Variants in CPXM2 observed in about 807,000 individuals in gnomAD.
CPXM2 encodes carboxypeptidase X, M14 family member 2.
In CPXM2, 66 loss-of-function variants were observed where a neutral mutation model predicts 86.1. The observed-to-expected ratio is 0.77, with a 90% confidence interval of 0.63 to 0.94. The LOEUF is 0.94. Among genes scored for constraint, CPXM2 ranks in the 40% least tolerant of loss-of-function variants. The pLI, the probability that CPXM2 is intolerant of heterozygous loss-of-function variation, is 0.00. For synonymous variants in CPXM2, 388 were observed against 400.2 expected (o/e 0.97, Z 0.36); for missense variants, 948 against 1,026.3 (o/e 0.92, Z 1.04).
intron 6 of CPXM2, among the ~76,000 whole-genome samples, chr10:123,789,553 T>A (rs1457874276): frequency 6.6e-6 from 1 of 152,240 alleles, no homozygotes; most frequent in Non-Finnish European, 1.5e-5. Context: ...AAGAGAAATC[T>A]CACATTTATT....
intron 13 of CPXM2, chr10:123,750,086 G>A (rs568632252): frequency 1.2e-4 from 118 of 982,780 alleles, no homozygotes; most frequent in African/African-American, 1.8e-4. Flanking sequence ...CCAAAGTGCC[G>A]AGGATTACAG....
intron 4 of CPXM2, among the ~76,000 whole-genome samples, chr10:123,839,062 C>T (rs1848332289): frequency 1.3e-5 from 2 of 152,204 alleles, no homozygotes; most frequent in Admixed American, 1.3e-4. Flanking sequence ...AGCTTGAAAA[C>T]CACAGTTACA....
chr10:123,766,033 T>G (rs1463627658), intron 10 of CPXM2, among the ~76,000 whole-genome samples: 1 of 152,258 alleles, frequency 6.6e-6, no homozygotes, highest in South Asian at 2.1e-4. Flanking sequence ...AGGTGAGAGT[T>G]AAGCAGAAGT....
intron 4 of CPXM2, among the ~76,000 whole-genome samples, chr10:123,829,912 A>G (rs182974358): frequency 9.1e-4 from 138 of 151,692 alleles, no homozygotes; most frequent in African/African-American, 3.2e-3. Context: ...AAAAATATGG[A>G]TCACATAATA....
At chr10:123,787,970 T>C (rs775624828) in intron 6 of CPXM2, among the ~76,000 whole-genome samples, 1 of 152,076 alleles carries the variant, frequency 6.6e-6, no homozygotes, top group Non-Finnish European at 1.5e-5. Flanking sequence ...CCCCACTTCC[T>C]ACTTAGCCCT....
intron 4 of CPXM2, among the ~76,000 whole-genome samples, chr10:123,830,124 T>C (rs986902318): frequency 6.6e-6 from 1 of 152,208 alleles, no homozygotes; most frequent in African/African-American, 2.4e-5. Flanking sequence ...TTCTAAAGTA[T>C]GACATATCTT....
At chr10:123,755,961 G>A (rs568587000) in intron 12 of CPXM2, among the ~76,000 whole-genome samples, 1 of 152,290 alleles carries the variant, frequency 6.6e-6, no homozygotes, top group South Asian at 2.1e-4. Flanking sequence ...TTGAGTGAGA[G>A]GTTCCCCAAA....
At chr10:123,844,363 G>A (rs1490510844) in intron 3 of CPXM2, among the ~76,000 whole-genome samples, 4 of 151,932 alleles carry the variant, frequency 2.6e-5, no homozygotes, top group South Asian at 2.1e-4. Context: ...CGTCACTAAC[G>A]TAGAATGAAT....
At chr10:123,807,111 G>C (rs1190452353) in intron 4 of CPXM2, among the ~76,000 whole-genome samples, 1 of 152,138 alleles carries the variant, frequency 6.6e-6, no homozygotes. Flanking sequence ...CGTAGTAACT[G>C]TTCCATAAAT....
At chr10:123,883,932 G>A (rs1024361156) in intron 1 of CPXM2, among the ~76,000 whole-genome samples, 1 of 152,138 alleles carries the variant, frequency 6.6e-6, no homozygotes, top group African/African-American at 2.4e-5. Flanking sequence ...TCTCCATCTG[G>A]GCCGCGTGAC....
chr10:123,916,254 C>A (rs916744312), intron 2 of CPXM2, among the ~76,000 whole-genome samples: 4 of 152,164 alleles, frequency 2.6e-5, no homozygotes, highest in Admixed American at 2.6e-4. Flanking sequence ...GGATCAGAGG[C>A]AGCTGGATGA....
chr10:123,902,656 G>A lies in CPXM2; in HGVS notation n.175-22347C>T, dbSNP rs552573829. ...GGAAGGGGCACACAAGCACCCTTGGGCCTCTTTATAAGGGCACTGATCCCA... is the reference window on the plus strand; with the variant it reads ...GGAAGGGGCACACAAGCACCCTTGGACCTCTTTATAAGGGCACTGATCCCA... On this transcript the variant is annotated intron_variant and non_coding_transcript_variant, in intron 2 of 19. Coordinates refer to the CPXM2 transcript ENST00000368854. Among the ~76,000 whole-genome samples, 20 of 152,246 alleles carry A rather than the reference G, an allele frequency of 1.3e-4. No individual in the cohort carries two copies. In the South Asian group the frequency reaches 3.7e-3, roughly 28 times the overall value.
intron 13 of CPXM2, chr10:123,751,624 T>G (rs1345479197): frequency 1.0e-6 from 1 of 985,260 alleles, no homozygotes; most frequent in African/African-American, 1.7e-5. Context: ...CTGATATGCA[T>G]CTAACTCAAA....
chr10:123,773,762 C>T (rs1208336625), intron 7 of CPXM2, among the ~76,000 whole-genome samples: 2 of 152,134 alleles, frequency 1.3e-5, no homozygotes, highest in African/African-American at 2.4e-5. Context: ...CAGGCTTCAG[C>T]AAGGAAGTGA....
intron 2 of CPXM2, among the ~76,000 whole-genome samples, chr10:123,869,629 A>G (rs1485263601): frequency 6.6e-6 from 1 of 152,140 alleles, no homozygotes; most frequent in African/African-American, 2.4e-5. Flanking sequence ...CCCATGCTCT[A>G]TTCCTCGGGA....
intron 1 of CPXM2, among the ~76,000 whole-genome samples, chr10:123,883,297 G>T (rs927354026): frequency 6.6e-6 from 1 of 152,234 alleles, no homozygotes; most frequent in Admixed American, 6.5e-5. Context: ...CAGCACCTTC[G>T]CTGGGGAGGA....
At chr10:123,926,649 G>A (rs1416541018) in intron 2 of CPXM2, among the ~76,000 whole-genome samples, 1 of 152,204 alleles carries the variant, frequency 6.6e-6, no homozygotes, top group Non-Finnish European at 1.5e-5. Flanking sequence ...CAGAAAATCT[G>A]TCTGCCTTTT....
Position 123,768,652 on chromosome 10 carries a change from C to A in CPXM2, c.1173G>T (p.Leu391=), listed in dbSNP as rs1461872512. Residue 391 remains leucine (L), a synonymous_variant, in exon 9 of 14, where the codon CTG becomes CTT. Transcript: ENST00000241305. ...ACTCCTGACACACGAACTGCACCAGCAGCAGCAGCAGCTCCCGGCCCAGCA... is the reference window on the plus strand; with the variant it reads ...ACTCCTGACACACGAACTGCACCAGAAGCAGCAGCAGCTCCCGGCCCAGCA... ...NEVLGRELLL[L]LVQFVCQEYL... is the part of the protein sequence containing the mutation. The A allele has an allele frequency of 1.2e-6, 2 of 1,613,466 alleles. No homozygotes were observed. The highest frequency in any genetic ancestry group is 1.7e-6 in the Non-Finnish European group (2 of 1,179,956).
chr10:123,802,511 ACTCT>A (rs1847482669), intron 4 of CPXM2, among the ~76,000 whole-genome samples: 1 of 152,032 alleles, frequency 6.6e-6, no homozygotes, highest in Admixed American at 6.6e-5. Context: ...CTACTACTCT[ACTCT>A]GAGAACAGAC....
Sources: gnomAD v4.1 joint callset for allele counts (sites outside exome capture counted in the v4.1 genomes callset) on GRCh38, gnomAD v4.1.1 for gene constraint, MANE v1.5 for transcripts, NCBI Gene and HGNC (gene_info 2026-07-23, HGNC 2026-07-21) for gene names.